The following PRR14 variants were observed in gnomAD, a reference collection of about 807,000 sequenced individuals.
PRR14 encodes the protein proline rich 14.
In PRR14, 33 loss-of-function variants were observed where a neutral mutation model predicts 57.2. The ratio of observed to expected loss-of-function variants is 0.58; its 90% CI spans 0.44 to 0.77. The LOEUF (loss-of-function observed/expected upper bound fraction) is 0.77, where lower values mean the gene tolerates loss of function less well. PRR14 is among the 30% of genes least tolerant of loss of function. PRR14 has a pLI of 0.00. For missense variants in PRR14, 716 were observed against 788.1 expected, an observed-to-expected ratio of 0.91 and a Z score of 1.10; for synonymous variants, 303 against 314.7, an observed-to-expected ratio of 0.96 and a Z score of 0.39.
chr16:30,651,618 G>T lies in PRR14; in HGVS notation c.-28G>T. 1 of 1,578,574 alleles carries T rather than the reference G, an allele frequency of 6.3e-7. No homozygotes were observed. Among genetic ancestry groups the T allele is most frequent in the Non-Finnish European group, 8.6e-7 (1 of 1,162,020 alleles). ...CAGGCCGCAGCCTGGGATTCCCCAG[G>T]GACCCCCCCGGAGCCGCCGCGTCTC... On this transcript the variant is annotated 5_prime_UTR_variant, in exon 2 of 12. Coordinates refer to ENST00000300835, the MANE Select transcript of PRR14 (RefSeq NM_024031.5). The surrounding 1 kb of genome is among the most constrained non-coding windows in gnomAD (Gnocchi z 5.0).
rs780941928 is a variant in PRR14, at chr16:30,654,254, C to A, written c.573C>A (p.Arg191=). 3 of 1,614,148 alleles carry A rather than the reference C, an allele frequency of 1.9e-6. No homozygotes were observed. Among genetic ancestry groups the A allele is most frequent in the Non-Finnish European group, 2.5e-6 (3 of 1,179,992 alleles). The part of the protein sequence containing the change: ...AQRAEPMRIV[R]QPTPPPGDLE... ...GAGCTGAGCCCATGAGGATAGTTCG[C>A]CAGCCAACGCCTCCACCTGGGGACC... The change falls in exon 7 of 12, where the codon CGC becomes CGA. Residue 191 remains arginine (R), a synonymous_variant. Coordinates refer to ENST00000300835, the MANE Select transcript of PRR14 (RefSeq NM_024031.5).
intron 5 of PRR14, 80 bp from the exon 6 acceptor site, chr16:30,653,285 C>T (rs2052332475): frequency 1.3e-6 from 2 of 1,508,796 alleles, no homozygotes; most frequent in Non-Finnish European, 1.8e-6. Flanking sequence ...AAGCAGCTAT[C>T]CGGGAACTGA....
In PRR14 at chr16:30,656,289, G is replaced by T. The variant is rs771512016; in HGVS notation, c.1736G>T (p.Arg579Leu). The T allele has an allele frequency of 1.9e-6, 3 of 1,612,446 alleles. No homozygotes were observed. Among genetic ancestry groups the T allele is most frequent in the Non-Finnish European group, 2.5e-6 (3 of 1,179,886 alleles). ...ALLLEEETVD[R>L]EQPHWT Reference sequence around the variant, plus strand: ...CTCCTGGAGGAAGAAACAGTAGATCGGGAGCAGCCCCACTGGACCTAGGTG... The same window carrying T: ...CTCCTGGAGGAAGAAACAGTAGATCTGGAGCAGCCCCACTGGACCTAGGTG... Residue 579 changes from arginine (R) to leucine (L), a missense_variant, in exon 12 of 12, where the codon CGG (arginine) becomes CTG (leucine). By Grantham distance (102) the Arg-to-Leu change is moderately radical (BLOSUM62 -2). Transcript: ENST00000300835.
Position 30,651,623 on chromosome 16 carries a change from C to T in PRR14, c.-23C>T. 1 of 1,587,930 alleles carries T rather than the reference C, an allele frequency of 6.3e-7. No homozygotes were observed. On this transcript the variant is annotated 5_prime_UTR_variant, in exon 2 of 12. Coordinates refer to ENST00000300835, the MANE Select transcript of PRR14 (RefSeq NM_024031.5). The surrounding 1 kb of genome is among the most constrained non-coding windows in gnomAD (Gnocchi z 5.0). The stretch of plus-strand genomic sequence containing the variant: ...CGCAGCCTGGGATTCCCCAGGGACC[C>T]CCCCGGAGCCGCCGCGTCTCCCATG...
intron 3 of PRR14, 147 bp from the exon 4 acceptor site, chr16:30,652,574 C>T: frequency 2.0e-6 from 2 of 983,756 alleles, no homozygotes; most frequent in Non-Finnish European, 3.1e-6. Context: ...TAATTCAGTC[C>T]AATTCATCTC....
chr16:30,653,431 T>C (rs1268670954), intron 6 of PRR14, 23 bp downstream of exon 6: 2 of 1,610,702 alleles, frequency 1.2e-6, no homozygotes, highest in Admixed American at 1.7e-5. Flanking sequence ...GAGTAGGGAT[T>C]ATCAAAGGAT....
intron 6 of PRR14, 197 bp from the exon 7 acceptor site, chr16:30,654,033 G>A: frequency 5.1e-6 from 3 of 586,130 alleles, no homozygotes; most frequent in South Asian, 4.2e-5. Flanking sequence ...GGAGGCTGAG[G>A]TGGGAGGACT....
rs759226293 is a variant in PRR14, at chr16:30,654,315, G to T, written c.634G>T (p.Asp212Tyr). 2 of 1,614,032 alleles carry T rather than the reference G, an allele frequency of 1.2e-6. No homozygotes were observed. The highest frequency in any genetic ancestry group is 1.7e-6 in the Non-Finnish European group (2 of 1,179,952). Residue 212 changes from aspartate to tyrosine, a missense_variant, in exon 7 of 12, where the codon GAC (aspartate) becomes TAC (tyrosine). Coordinates refer to ENST00000300835, the MANE Select transcript of PRR14 (RefSeq NM_024031.5). ...ATTCCAGCCATCTGCTCTGCCTGCA[G>T]ACCCTCTGGAGAGCCCACCAACAGG... ...PPFQPSALPA[D>Y]PLESPPTAPD... is the part of the protein sequence containing the mutation.
chr16:30,653,348 C>T lies in PRR14; in HGVS notation c.505-17C>T. ...GGCTTTCCTGCCTCCCCACAAACATCCCCTATTTTTATCCAGGGCTTCATT... is the reference window on the plus strand; with the variant it reads ...GGCTTTCCTGCCTCCCCACAAACATTCCCTATTTTTATCCAGGGCTTCATT... On this transcript the variant is annotated splice_polypyrimidine_tract_variant and intron_variant, in intron 5 of 11. Transcript: ENST00000300835. 1 of 1,613,656 alleles carries T rather than the reference C, an allele frequency of 6.2e-7. No individual in the cohort carries two copies. The highest frequency in any genetic ancestry group is 8.5e-7 in the Non-Finnish European group (1 of 1,179,746).
chr16:30,650,896 G>C (rs763666700), upstream of PRR14: 20 of 420,088 alleles, frequency 4.8e-5, no homozygotes, highest in South Asian at 3.3e-4. Context: ...TCTGGTCCCG[G>C]GCCGGGGGAG....
rs2052345042 is a variant in PRR14, at chr16:30,654,429, G to A, written c.658+90G>A. ...GTGTCAGGTACAGAGTTGGGGATAG[G>A]GCTTAAGCCACCTCCCAGGGCAGGG... On this transcript the variant is annotated intron_variant, in intron 7 of 11. Transcript: ENST00000300835. 3.4e-6 allele frequency: 4 copies of A among 1,173,682 alleles called. No individual in the cohort carries two copies. In the Admixed American group the frequency reaches 7.3e-5, roughly 21 times the overall value. 72.7% of individuals were successfully genotyped at this position (1,173,682 alleles called of 1,614,324 possible).
rs1039688700 is a variant in PRR14, at chr16:30,652,584, CTT to C, written c.193-136_193-135del. The C allele has an allele frequency of 6.3e-6, 7 of 1,104,536 alleles. No homozygotes were observed. In the African/African-American group the frequency reaches 7.8e-5, roughly 12 times the overall value. 68.4% of individuals were successfully genotyped at this position (1,104,536 alleles called of 1,614,324 possible). ...GCCCCTAATTCAGTCCAATTCATCT[CTT>C]CTCTTGGGATCCGAGTGAATTCTAG... On this transcript the variant is annotated intron_variant, in intron 3 of 11. Transcript: ENST00000300835.
rs1407925689 is a variant in PRR14, at chr16:30,654,291, TTCCAGC to T, written c.611_616del (p.Phe204_Pro206delinsSer). On this transcript the variant is annotated inframe_deletion, in exon 7 of 12. Transcript: ENST00000300835. ...TCCACCTGGGGACCTAGAACCCCCATTCCAGCCATCTGCTCTGCCTGCAGACCCTCT... is the reference window on the plus strand; with the variant it reads ...TCCACCTGGGGACCTAGAACCCCCATCATCTGCTCTGCCTGCAGACCCTCT... The T allele has an allele frequency of 9.9e-6, 16 of 1,614,116 alleles. No individual in the cohort carries two copies. Among genetic ancestry groups the T allele is most frequent in the Non-Finnish European group, 1.2e-5 (14 of 1,179,990 alleles).
chr16:30,655,978 T>G lies in PRR14; in HGVS notation c.1478+39T>G, dbSNP rs746871556. ...AAGGCTAGAGGGTGGCAGAGGGAAA[T>G]CTGGAGCTGTGGAGCACCCTGATAA... On this transcript the variant is annotated intron_variant, in intron 11 of 11. Transcript: ENST00000300835. This position sits in a 1 kb window ranked among gnomAD's most constrained non-coding sequence, Gnocchi z 4.6. 1.2e-6 allele frequency: 2 copies of G among 1,608,722 alleles called. No individual in the cohort carries two copies. Among genetic ancestry groups the G allele is most frequent in the Admixed American group, 3.4e-5 (2 of 59,578 alleles).
Position 30,655,702 on chromosome 16 carries a change from T to C in PRR14, c.1406+109T>C. On this transcript the variant is annotated intron_variant, in intron 10 of 11. Transcript: ENST00000300835. This position sits in a 1 kb window ranked among gnomAD's most constrained non-coding sequence, Gnocchi z 4.6. ...AGGGAGCACAGTCCAGCCTGAAAGA[T>C]TCAATTCGGTGTGGGGATGGTTTGT... is the stretch of plus-strand genomic sequence containing the variant. 2 of 1,307,190 alleles carry C rather than the reference T, an allele frequency of 1.5e-6. No homozygotes were observed. Among genetic ancestry groups the C allele is most frequent in the Non-Finnish European group, 2.2e-6 (2 of 909,772 alleles). The allele number at this position is 1,307,190 out of a possible 1,614,324, so 81.0% of individuals were successfully genotyped here.
Position 30,651,573 on chromosome 16 carries a change from C to G in PRR14, c.-50-23C>G. The G allele has an allele frequency of 2.3e-6, 2 of 862,416 alleles. No individual in the cohort carries two copies. Among genetic ancestry groups the G allele is most frequent in the Non-Finnish European group, 3.5e-6 (2 of 578,942 alleles). 53.4% of individuals were successfully genotyped at this position (862,416 alleles called of 1,614,324 possible). A position where few individuals can be genotyped will look rare whatever the true frequency, so the allele number is the denominator to read the frequency against. ...AAGGGGCCGGCCCTCACCCCCCGCT[C>G]CCCCGCTCCCCCCTTACCCCAGGCC... On this transcript the variant is annotated intron_variant, in intron 1 of 11. Coordinates refer to ENST00000300835, the MANE Select transcript of PRR14 (RefSeq NM_024031.5). This position sits in a 1 kb window ranked among gnomAD's most constrained non-coding sequence, Gnocchi z 5.0.
Position 30,652,472 on chromosome 16 carries a change from A to G in PRR14, c.193-249A>G, listed in dbSNP as rs2052323283. The G allele has an allele frequency of 5.0e-6, 3 of 599,696 alleles. No individual in the cohort carries two copies. The East Asian group carries it at 8.6e-5, about 17-fold the overall frequency. The allele number at this position is 599,696 out of a possible 1,614,324, so 37.1% of individuals were successfully genotyped here. ...CCCAAAAAAGGCAGTGACCCACCCT[A>G]GCTCACCCTGTCTTTTTCATTTCTC... On this transcript the variant is annotated intron_variant, in intron 3 of 11. Transcript: ENST00000300835.
In PRR14 at chr16:30,654,978, T is replaced by G; in HGVS notation, c.1008T>G (p.Asp336Glu). 6.2e-7 allele frequency: 1 copy of G among 1,611,092 alleles called. No homozygotes were observed. Among genetic ancestry groups the G allele is most frequent in the African/African-American group, 1.3e-5 (1 of 75,050 alleles). The part of the protein sequence containing the change: ...PSLGRSYSCP[D>E]LGPPGPGTCT... ...TGGGCCGAAGCTACTCCTGCCCTGA[T>G]CTGGGGCCCCCTGGCCCAGGTACCT... Residue 336 changes from aspartate (D) to glutamate (E), a missense_variant, in exon 8 of 12, where the codon GAT becomes GAG. Physicochemically the swap from Asp to Glu is conservative, Grantham distance 45 (BLOSUM62 2). Coordinates refer to ENST00000300835, the MANE Select transcript of PRR14 (RefSeq NM_024031.5).
intron 6 of PRR14, 153 bp from the exon 7 acceptor site, chr16:30,654,077 T>C: frequency 1.5e-6 from 1 of 654,108 alleles, no homozygotes; most frequent in Non-Finnish European, 2.7e-6. Flanking sequence ...TGCAGTGAGC[T>C]GAGATTGTGC....
Sources: gnomAD v4.1 joint callset for allele counts on GRCh38, gnomAD v4.1.1 for gene constraint, Gnocchi (gnomAD v3.1) non-coding constraint, MANE v1.5 for transcripts, NCBI Gene and HGNC (gene_info 2026-07-23, HGNC 2026-07-21) for gene names.